Variants in BICDL1 observed in about 807,000 individuals in gnomAD.
BICDL1 encodes the protein BICD family-like cargo adapter 1.
Under a neutral mutation model 76.8 loss-of-function variants are expected in BICDL1, and 20 were observed. That is an observed-to-expected ratio of 0.26 (90% confidence interval 0.18 to 0.38). The LOEUF is 0.38. Among genes scored for constraint, BICDL1 ranks in the 10% least tolerant of loss-of-function variants. The pLI is 1.00. For missense variants in BICDL1, 700 were observed against 798.6 expected (o/e 0.88, Z 1.49); for synonymous variants, 383 against 337.1 (o/e 1.14, Z -1.49).
At chr12:119,992,302 G>A (rs1042962799) in intron 1 of BICDL1, 5 of 152,148 alleles carry the variant, frequency 3.3e-5, no homozygotes, top group South Asian at 2.1e-4. Context: ...TGACACCTCC[G>A]GTTTAGTTTT....
chr12:120,058,106 C>G (rs1953020249), intron 2 of BICDL1, among the ~76,000 whole-genome samples: 1 of 151,910 alleles, frequency 6.6e-6, no homozygotes, highest in South Asian at 2.1e-4. Context: ...GTTCTGGGAC[C>G]ACAGGCATGA....
At chr12:120,049,689 A>G (rs2138845808) in intron 2 of BICDL1, among the ~76,000 whole-genome samples, 1 of 151,936 alleles carries the variant, frequency 6.6e-6, no homozygotes, top group East Asian at 1.9e-4. Flanking sequence ...GGTCCCATTC[A>G]CTCTGTCCTT....
At chr12:119,994,057 CT>C (rs1373574303) in intron 1 of BICDL1, among the ~76,000 whole-genome samples, 5 of 152,134 alleles carry the variant, frequency 3.3e-5, no homozygotes, top group Non-Finnish European at 5.9e-5. Flanking sequence ...ATTTATACAC[CT>C]TTTTTCTTCA....
At chr12:120,092,876 C>T in intron 9 of BICDL1, 124 bp from the exon 10 acceptor site, 4 of 1,450,658 alleles carry the variant, frequency 2.8e-6, no homozygotes, top group Non-Finnish European at 3.6e-6. Flanking sequence ...GCAGTCCCGG[C>T]TGCAGCCTCT....
chr12:120,046,958 G>T (rs1175259976), intron 2 of BICDL1, among the ~76,000 whole-genome samples: 1 of 152,182 alleles, frequency 6.6e-6, no homozygotes, highest in Non-Finnish European at 1.5e-5. Context: ...AGAAACAAAA[G>T]CAGTATTAAC....
chr12:120,071,179 G>A lies in BICDL1; in HGVS notation c.910-443G>A, dbSNP rs1176900573. Among the ~76,000 whole-genome samples the A allele has an allele frequency of 6.6e-6, 1 of 151,578 alleles. No homozygotes were observed. The highest frequency in any genetic ancestry group is 1.5e-5 in the Non-Finnish European group (1 of 67,948). ...CTTTTTTGAGGTGGCGTCTCGCACT[G>A]TCACCCAGGTTGGAGTGCAATGGCG... On this transcript the variant is annotated intron_variant, in intron 4 of 9. Coordinates refer to ENST00000548673, the MANE Select transcript of BICDL1 (RefSeq NM_001367886.1). The surrounding 1 kb of genome is among the most constrained non-coding windows in gnomAD (Gnocchi z 4.8).
At chr12:120,072,297 G>T (rs1873168786) in intron 5 of BICDL1, among the ~76,000 whole-genome samples, 1 of 152,146 alleles carries the variant, frequency 6.6e-6, no homozygotes. Flanking sequence ...AGAACAGGGA[G>T]AATAAGAATT....
At position 120,075,145 on chromosome 12, in the gene BICDL1, A is replaced by G. The variant is rs115531207; in HGVS notation, c.1452+559A>G. On this transcript the variant is annotated intron_variant, in intron 7 of 9. Coordinates refer to ENST00000548673, the MANE Select transcript of BICDL1 (RefSeq NM_001367886.1). Reference sequence around the variant, plus strand: ...AAAGGACTTATAGGCAGCCCCACCCAAAAAGGAGCTTCTAAAACCTATCCT... The same window carrying G: ...AAAGGACTTATAGGCAGCCCCACCCGAAAAGGAGCTTCTAAAACCTATCCT... Among the ~76,000 whole-genome samples, 751 of 152,268 alleles carry G rather than the reference A, an allele frequency of 4.9e-3. 7 individuals are homozygous for G. The highest frequency in any genetic ancestry group is 0.017 in the African/African-American group (714 of 41,554).
intron 4 of BICDL1, among the ~76,000 whole-genome samples, chr12:120,066,296 C>T (rs1953218216): frequency 6.6e-6 from 1 of 152,196 alleles, no homozygotes; most frequent in Non-Finnish European, 1.5e-5. Context: ...ATTTATTACC[C>T]TATCAAGCTG....
At chr12:120,019,707 C>T (rs1032031424) in intron 2 of BICDL1, among the ~76,000 whole-genome samples, 2 of 152,120 alleles carry the variant, frequency 1.3e-5, no homozygotes, top group South Asian at 4.1e-4. Flanking sequence ...GCCTCAGCCT[C>T]CCAAGTAGCT....
At chr12:120,039,025 C>T (rs921317874) in intron 2 of BICDL1, among the ~76,000 whole-genome samples, 4 of 152,086 alleles carry the variant, frequency 2.6e-5, no homozygotes, top group East Asian at 3.8e-4. Context: ...AGGCCGGGCA[C>T]GGTGACTCAG....
At chr12:120,042,416 G>C (rs1952660587) in intron 2 of BICDL1, among the ~76,000 whole-genome samples, 11 of 152,172 alleles carry the variant, frequency 7.2e-5, no homozygotes, top group Admixed American at 7.2e-4. Flanking sequence ...ATGTTTGGGT[G>C]GAGGCCCTCA....
chr12:120,090,481 A>C (rs957047115), intron 9 of BICDL1, among the ~76,000 whole-genome samples: 5 of 152,094 alleles, frequency 3.3e-5, no homozygotes, highest in African/African-American at 1.2e-4. Flanking sequence ...CCCCTTCTCA[A>C]GGGCCAGCCT....
In BICDL1 at chr12:120,065,111, C is replaced by T. The variant is rs2138915174; in HGVS notation, c.909+232C>T. Among the ~76,000 whole-genome samples the T allele has an allele frequency of 1.3e-5, 2 of 152,344 alleles. 1 individual carries two copies. Among genetic ancestry groups the T allele is most frequent in the South Asian group, 4.1e-4 (2 of 4,830 alleles). On this transcript the variant is annotated intron_variant, in intron 4 of 9. Transcript: ENST00000548673. ...TCTACAATGTGTTCTGAGCCACTGGCCCACGGAGCAGTTTCACAGAGTTCT... is the reference window on the plus strand; with the variant it reads ...TCTACAATGTGTTCTGAGCCACTGGTCCACGGAGCAGTTTCACAGAGTTCT...
chr12:120,090,668 A>G (rs996830015), intron 9 of BICDL1: 5 of 363,174 alleles, frequency 1.4e-5, no homozygotes, highest in African/African-American at 2.1e-5. Context: ...GGGTATAAAC[A>G]TTAATATTTC....
chr12:120,076,978 G>A (rs925400556), intron 7 of BICDL1, among the ~76,000 whole-genome samples: 7 of 152,250 alleles, frequency 4.6e-5, no homozygotes, highest in Admixed American at 2.0e-4. Flanking sequence ...ACCCCACAGT[G>A]CCAAGAGGAC....
chr12:120,072,925 A>G (rs1242163188), intron 6 of BICDL1, among the ~76,000 whole-genome samples, 196 bp downstream of exon 6: 2 of 152,124 alleles, frequency 1.3e-5, no homozygotes, highest in Non-Finnish European at 2.9e-5. Context: ...GGCTGGAGTG[A>G]GGTGGCACAA....
intron 2 of BICDL1, among the ~76,000 whole-genome samples, chr12:120,024,733 G>A (rs1405805805): frequency 1.3e-5 from 2 of 151,970 alleles, no homozygotes; most frequent in African/African-American, 4.8e-5. Context: ...CATTGGCCAG[G>A]GTGGAGTGCA....
intron 7 of BICDL1, among the ~76,000 whole-genome samples, chr12:120,076,275 G>A (rs1455869776): frequency 6.6e-6 from 1 of 152,232 alleles, no homozygotes; most frequent in Non-Finnish European, 1.5e-5. Context: ...GAGTGATTCA[G>A]ACTCAGAGAC....
Sources: allele counts gnomAD v4.1 joint callset (sites outside exome capture counted in the v4.1 genomes callset), GRCh38; gene constraint gnomAD v4.1.1; non-coding constraint Gnocchi (gnomAD v3.1); transcripts MANE v1.5; gene names NCBI Gene and HGNC (gene_info 2026-07-23, HGNC 2026-07-21).